Variants in PCDHA9 observed in about 807,000 individuals in gnomAD.
PCDHA9 encodes protocadherin alpha-9.
In PCDHA9, 62 loss-of-function variants were observed where a neutral mutation model predicts 62.0. The observed-to-expected ratio is 1.00, with a 90% CI of 0.81 to 1.23. The LOEUF (loss-of-function observed/expected upper bound fraction) is 1.23. PCDHA9 is among the 50% of genes most tolerant of loss of function. The probability of loss-of-function intolerance (pLI) is 0.00; values close to 1 mark genes in which losing one functional copy is unlikely to be tolerated. For missense variants in PCDHA9, 1,205 were observed against 1,249.8 expected (o/e 0.96, Z 0.54); for synonymous variants, 557 against 567.6 (o/e 0.98, Z 0.27).
intron 1 of PCDHA9, chr5:140,928,175 G>A (rs782432136): frequency 6.8e-6 from 11 of 1,614,032 alleles, no homozygotes; most frequent in African/African-American, 1.3e-5. Flanking sequence ...CTTAGCACCC[G>A]AAGGACAATC....
chr5:140,967,018 G>T, intron 1 of PCDHA9: 1 of 1,607,168 alleles, frequency 6.2e-7, no homozygotes, highest in Non-Finnish European at 8.5e-7. Context: ...ATCTGGGTGC[G>T]CCCAGTCCGC....
chr5:140,883,546 C>T (rs782071318), intron 1 of PCDHA9: 3 of 1,614,200 alleles, frequency 1.9e-6, no homozygotes, highest in Non-Finnish European at 1.7e-6. Flanking sequence ...TGGTGGTGAC[C>T]GCGCGGGACG....
chr5:140,850,267 T>C lies in PCDHA9; in HGVS notation c.1772T>C (p.Val591Ala). The C allele has an allele frequency of 6.3e-7, 1 of 1,592,602 alleles. No individual in the cohort carries two copies. The highest frequency in any genetic ancestry group is 8.6e-7 in the Non-Finnish European group (1 of 1,166,758). The change falls in exon 1 of 4, where the codon GTG becomes GCG. Residue 591 changes from valine (V) to alanine (A), a missense_variant. Coordinates refer to ENST00000532602, the MANE Select transcript of PCDHA9 (RefSeq NM_031857.2). ...CGGTCGGTGGGCGCCGGCGTAGTGG[T>C]GGGGAAGGTGCGCGCAGTGGACGCC... ...VLRSVGAGVV[V>A]GKVRAVDADS... is the part of the protein sequence containing the mutation.
chr5:140,937,493 C>T (rs1158473278), intron 1 of PCDHA9, among the ~76,000 whole-genome samples: 3 of 152,020 alleles, frequency 2.0e-5, no homozygotes, highest in Non-Finnish European at 2.9e-5. Flanking sequence ...GGCACATACC[C>T]GTAATCCCAG....
intron 3 of PCDHA9, among the ~76,000 whole-genome samples, chr5:140,998,708 GC>G (rs1350967952): frequency 1.3e-5 from 2 of 152,024 alleles, no homozygotes; most frequent in Admixed American, 6.6e-5. Context: ...GGGATTACAA[GC>G]TTGCACCACC....
rs926604630 is a variant in PCDHA9 at position 140,857,768 on chromosome 5, G to C, written c.2394+6879G>C. ...GGCGTCTCCCGCTGGCAGCGCGGGC[G>C]GTGCAGTCAGTGAGCTGGTGCTGCG... On this transcript the variant is annotated intron_variant, in intron 1 of 3. Transcript: ENST00000532602. 6 of 1,597,542 alleles carry C rather than the reference G, an allele frequency of 3.8e-6. 2 individuals carry two copies. In the South Asian group the frequency reaches 5.5e-5, roughly 15 times the overall value.
At chr5:141,000,395 C>CTATATA (rs1190667031) in intron 3 of PCDHA9, among the ~76,000 whole-genome samples, 4 of 53,980 alleles carry the variant, frequency 7.4e-5, no homozygotes, top group East Asian at 6.1e-4. Context: ...CTCTCTCTCT[C>CTATATA]TATATATATA....
chr5:140,864,592 C>G (rs1005645849), intron 1 of PCDHA9: 6 of 152,206 alleles, frequency 3.9e-5, no homozygotes, highest in South Asian at 4.1e-4. Flanking sequence ...TCAACTACTT[C>G]AGATAGCCAA....
At chr5:140,853,997 T>C in intron 1 of PCDHA9, 1 of 465,218 alleles carries the variant, frequency 2.1e-6, no homozygotes, top group Non-Finnish European at 2.9e-6. Flanking sequence ...GACTCATCTC[T>C]GCCAAAAAAA....
intron 1 of PCDHA9, among the ~76,000 whole-genome samples, chr5:140,897,728 A>G (rs1554187548): frequency 6.6e-6 from 1 of 152,092 alleles, no homozygotes; most frequent in Non-Finnish European, 1.5e-5. Flanking sequence ...TGGGTCAAAT[A>G]GTATTTCTAG....
At chr5:140,961,561 T>C (rs1554225472) in intron 1 of PCDHA9, among the ~76,000 whole-genome samples, 1 of 152,170 alleles carries the variant, frequency 6.6e-6, no homozygotes, top group African/African-American at 2.4e-5. Flanking sequence ...TTTTTTTAAA[T>C]TTTGTTTTGA....
chr5:140,905,948 G>A (rs2072228532), intron 1 of PCDHA9, among the ~76,000 whole-genome samples: 3 of 152,180 alleles, frequency 2.0e-5, no homozygotes, highest in Non-Finnish European at 4.4e-5. Flanking sequence ...CTTGGAATCC[G>A]ATGTTCAAGG....
chr5:140,929,992 C>T (rs1015837723), intron 1 of PCDHA9: 7 of 152,300 alleles, frequency 4.6e-5, no homozygotes, highest in East Asian at 1.9e-4. Flanking sequence ...TTGGGAATGA[C>T]ACCCTAAAAC....
chr5:140,888,275 G>A (rs974764035), intron 1 of PCDHA9, among the ~76,000 whole-genome samples: 1 of 152,056 alleles, frequency 6.6e-6, no homozygotes, highest in African/African-American at 2.4e-5. Context: ...AAACAGTTTT[G>A]TCCCCTCTAC....
chr5:140,976,427 T>C (rs2096715861), intron 1 of PCDHA9, among the ~76,000 whole-genome samples: 1 of 152,064 alleles, frequency 6.6e-6, no homozygotes, highest in Admixed American at 6.5e-5. Flanking sequence ...GGCAGATGCC[T>C]GTAATCCCAG....
At chr5:140,870,325 C>G in intron 1 of PCDHA9, 1 of 1,614,198 alleles carries the variant, frequency 6.2e-7, no homozygotes. Flanking sequence ...CTCGTTGGTG[C>G]TGGACAGCGC....
chr5:140,902,415 G>C (rs887303649), intron 1 of PCDHA9, among the ~76,000 whole-genome samples: 24 of 152,178 alleles, frequency 1.6e-4, no homozygotes, highest in Admixed American at 1.3e-3. Flanking sequence ...TTGAATAACA[G>C]TGGTGAAAGT....
chr5:140,917,042 G>A (rs73793522), intron 1 of PCDHA9, among the ~76,000 whole-genome samples: 8,683 of 152,228 alleles, frequency 0.057, 736 homozygotes, highest in African/African-American at 0.19. Flanking sequence ...GTCCAGCACA[G>A]TGTTGTTCCC....
chr5:140,891,330 T>C (rs995602420), intron 1 of PCDHA9, among the ~76,000 whole-genome samples: 1 of 152,108 alleles, frequency 6.6e-6, no homozygotes, highest in Non-Finnish European at 1.5e-5. Flanking sequence ...TGGTGGTGAT[T>C]TGTGAGATTT....
Sources: gnomAD v4.1 joint callset for allele counts (sites outside exome capture counted in the v4.1 genomes callset) on GRCh38, gnomAD v4.1.1 for gene constraint, MANE v1.5 for transcripts, NCBI Gene and HGNC (gene_info 2026-07-23, HGNC 2026-07-21) for gene names.